The following ANKFN1 variants were observed in gnomAD, a reference collection of about 807,000 sequenced individuals.
ANKFN1 encodes ankyrin repeat and fibronectin type III domain containing 1, also known as ankyrin repeat and fibronectin type-III domain-containing protein 1.
A neutral mutation model predicts 108.7 loss-of-function variants in ANKFN1; 74 were observed. The observed-to-expected ratio is 0.68, with a 90% confidence interval of 0.56 to 0.83. The LOEUF (loss-of-function observed/expected upper bound fraction) is 0.83, where lower values mean the gene tolerates loss of function less well. Among genes scored for constraint, ANKFN1 ranks in the 40% least tolerant of loss-of-function variants. The pLI is 0.00. For synonymous variants in ANKFN1, 547 were observed against 516.2 expected (o/e 1.06, Z -0.81); for missense variants, 1,505 against 1,382.3 (o/e 1.09, Z -1.41).
intron 4 of ANKFN1, among the ~76,000 whole-genome samples, chr17:56,341,006 A>G (rs1362891675): frequency 1.3e-5 from 2 of 152,002 alleles, no homozygotes; most frequent in Non-Finnish European, 2.9e-5. Context: ...TTCTCCTTGT[A>G]GAGATCTTTC....
chr17:56,513,233 T>C lies in ANKFN1; in HGVS notation c.*1964T>C, dbSNP rs1388018465. On this transcript the variant is annotated 3_prime_UTR_variant, in exon 21 of 21. Transcript: ENST00000682825. Reference sequence around the variant, plus strand: ...TGATTGTTATCTACAGGGAATCTCCTATTTTGTAGATCATCTACCTACTTC... The same window carrying C: ...TGATTGTTATCTACAGGGAATCTCCCATTTTGTAGATCATCTACCTACTTC... 5.9e-5 allele frequency among the ~76,000 whole-genome samples: 9 copies of C among 152,258 alleles called. No homozygotes were observed. The highest frequency in any genetic ancestry group is 1.2e-4 in the Non-Finnish European group (8 of 68,040).
chr17:56,422,544 T>C (rs954723019), intron 8 of ANKFN1, among the ~76,000 whole-genome samples: 1 of 152,158 alleles, frequency 6.6e-6, no homozygotes, highest in Non-Finnish European at 1.5e-5. Context: ...CTGAATATGC[T>C]GCTACAATTT....
At chr17:56,181,152 A>T (rs777769714) in intron 1 of ANKFN1, among the ~76,000 whole-genome samples, 1 of 152,164 alleles carries the variant, frequency 6.6e-6, no homozygotes, top group Non-Finnish European at 1.5e-5. Context: ...AATTCTGTAT[A>T]ATGTCAATAT....
chr17:56,115,114 C>A (rs1906185793), intron 4 of ANKFN1, among the ~76,000 whole-genome samples: 1 of 152,142 alleles, frequency 6.6e-6, no homozygotes. Flanking sequence ...TTTATTACAG[C>A]AGCAATAGAA....
chr17:56,250,990 G>T (rs2043221537), intron 3 of ANKFN1, among the ~76,000 whole-genome samples: 1 of 151,940 alleles, frequency 6.6e-6, no homozygotes, highest in Non-Finnish European at 1.5e-5. Context: ...CCCAAAGAAA[G>T]CTAAATTGTA....
At chr17:56,100,196 G>A (rs1281459751) in intron 4 of ANKFN1, among the ~76,000 whole-genome samples, 1 of 152,220 alleles carries the variant, frequency 6.6e-6, no homozygotes, top group Non-Finnish European at 1.5e-5. Context: ...GCACTCTCAA[G>A]TATTCTGTAT....
chr17:56,391,332 A>G (rs998280218), intron 8 of ANKFN1, among the ~76,000 whole-genome samples: 1 of 146,826 alleles, frequency 6.8e-6, no homozygotes, highest in Admixed American at 6.7e-5. Flanking sequence ...ATATATATAT[A>G]TATGTATTCT....
At chr17:56,448,279 A>G (rs1281982571) in intron 10 of ANKFN1, among the ~76,000 whole-genome samples, 1 of 149,018 alleles carries the variant, frequency 6.7e-6, no homozygotes, top group Non-Finnish European at 1.5e-5. Context: ...TGACCTGCTG[A>G]AAAAAAAAAC....
intron 6 of ANKFN1, among the ~76,000 whole-genome samples, chr17:56,355,115 A>G (rs1326075536): frequency 6.6e-6 from 1 of 152,170 alleles, no homozygotes; most frequent in Non-Finnish European, 1.5e-5. Flanking sequence ...TGTTCTCACC[A>G]CAAAGAAATG....
At chr17:56,298,332 A>T (rs2044573436) in intron 3 of ANKFN1, among the ~76,000 whole-genome samples, 1 of 152,206 alleles carries the variant, frequency 6.6e-6, no homozygotes, top group East Asian at 1.9e-4. Context: ...TCTACTTTTT[A>T]AAAAATGAGT....
upstream of ANKFN1, among the ~76,000 whole-genome samples, chr17:56,149,283 A>G (rs1230267128): frequency 2.6e-5 from 4 of 152,156 alleles, no homozygotes; most frequent in African/African-American, 9.7e-5. Context: ...CAGGCCATGA[A>G]TAGTAATAGG....
intron 8 of ANKFN1, among the ~76,000 whole-genome samples, chr17:56,416,178 C>G (rs768992584): frequency 1.5e-4 from 23 of 152,072 alleles, no homozygotes; most frequent in South Asian, 2.1e-4. Context: ...TAATATCCCG[C>G]AAGCATAGGC....
rs566721806 is a variant in ANKFN1, at chr17:56,078,048, G to A, written c.288+31723G>A. Among the ~76,000 whole-genome samples the A allele has an allele frequency of 2.0e-5, 3 of 152,262 alleles. No homozygotes were observed. In the South Asian group the frequency reaches 6.2e-4, roughly 32 times the overall value. ...TTATATTCCTCTAAATAGTGTTAAT[G>A]TTTTTGTTGTAGCGGGCAGTAAATT... On this transcript the variant is annotated intron_variant, in intron 4 of 12. Coordinates refer to the ANKFN1 transcript ENST00000635860.
At chr17:56,261,024 T>C (rs2043496884) in intron 3 of ANKFN1, among the ~76,000 whole-genome samples, 1 of 152,146 alleles carries the variant, frequency 6.6e-6, no homozygotes, top group Admixed American at 6.5e-5. Flanking sequence ...TGTCCCTAAA[T>C]GGGTTCTGCA....
At chr17:56,128,686 C>T (rs1053165463) in intron 4 of ANKFN1, among the ~76,000 whole-genome samples, 3 of 152,186 alleles carry the variant, frequency 2.0e-5, no homozygotes, top group African/African-American at 7.2e-5. Context: ...GTAGTAAAGG[C>T]TCTGAGAAGT....
At chr17:56,158,168 T>C (rs763693685) in intron 1 of ANKFN1, among the ~76,000 whole-genome samples, 1 of 152,150 alleles carries the variant, frequency 6.6e-6, no homozygotes, top group Non-Finnish European at 1.5e-5. Flanking sequence ...GTTGGATCAG[T>C]CACCCAGTGC....
chr17:56,052,476 G>T (rs1386641287), intron 4 of ANKFN1, among the ~76,000 whole-genome samples: 1 of 152,108 alleles, frequency 6.6e-6, no homozygotes, highest in Non-Finnish European at 1.5e-5. Context: ...GAAGATAAGA[G>T]GCTTTTAAAT....
intron 18 of ANKFN1, among the ~76,000 whole-genome samples, chr17:56,489,833 C>T (rs2050977493): frequency 6.6e-6 from 1 of 152,024 alleles, no homozygotes; most frequent in South Asian, 2.1e-4. Context: ...GGACATAATC[C>T]CTCCTTGAAA....
At chr17:56,088,599 C>T (rs577364572) in intron 4 of ANKFN1, among the ~76,000 whole-genome samples, 6 of 151,052 alleles carry the variant, frequency 4.0e-5, no homozygotes, top group Admixed American at 4.0e-4. Flanking sequence ...TCTCCAGCCT[C>T]CACTCTCATC....
Sources: gnomAD v4.1 joint callset for allele counts (sites outside exome capture counted in the v4.1 genomes callset) on GRCh38, gnomAD v4.1.1 for gene constraint, MANE v1.5 for transcripts, NCBI Gene and HGNC (gene_info 2026-07-23, HGNC 2026-07-21) for gene names.